BBS5: variants seen among roughly 807,000 people sequenced by gnomAD.
BBS5 encodes BBSome complex member BBS5.
In BBS5, 39 loss-of-function variants were observed where a neutral mutation model predicts 50.2. The observed-to-expected ratio is 0.78, with a 90% CI of 0.60 to 1.01. BBS5 has a LOEUF of 1.01. Ranked by LOEUF, BBS5 falls within the 50% of genes least tolerant of loss-of-function variation. BBS5 has a pLI of 0.00. For synonymous variants in BBS5, 134 were observed against 133.1 expected (o/e 1.01, Z -0.05); for missense variants, 356 against 401.5 (o/e 0.89, Z 0.97).
At chr2:169,499,647 G>A (rs201741047) in intron 9 of BBS5, 27 bp downstream of exon 9, 1 of 1,610,314 alleles carries the variant, frequency 6.2e-7, no homozygotes. Context: ...GTGAAATAAA[G>A]TTTGCATTGC....
chr2:169,494,193 C>T (rs1683653793), intron 7 of BBS5, among the ~76,000 whole-genome samples: 1 of 152,132 alleles, frequency 6.6e-6, no homozygotes, highest in Non-Finnish European at 1.5e-5. Context: ...GTATGTGGTG[C>T]TTCCTTGGCA....
At chr2:169,501,087 A>G (rs1485024876) in intron 9 of BBS5, among the ~76,000 whole-genome samples, 3 of 152,372 alleles carry the variant, frequency 2.0e-5, no homozygotes, top group African/African-American at 4.8e-5. Flanking sequence ...ATGCAAGTCA[A>G]TAAGATACAC....
chr2:169,487,630 T>C (rs575018299), intron 3 of BBS5, 176 bp from the exon 4 acceptor site: 14 of 481,334 alleles, frequency 2.9e-5, no homozygotes, highest in African/African-American at 2.8e-4. Context: ...ATTGACCCTC[T>C]AGTTTTTTTA....
chr2:169,487,143 C>CT lies in BBS5; in HGVS notation c.208+12dup. 8 of 1,596,026 alleles carry CT rather than the reference C, an allele frequency of 5.0e-6. No individual in the cohort carries two copies. The highest frequency in any genetic ancestry group is 6.9e-6 in the Non-Finnish European group (8 of 1,164,230). The stretch of plus-strand genomic sequence containing the variant: ...ATCAAGAGTCAATGTTTGTAAGTAT[C>CT]TTTGTTAGATAAGTCTGAAGAAAAA... On this transcript the variant is annotated intron_variant, in intron 3 of 11. Coordinates refer to ENST00000295240, the MANE Select transcript of BBS5 (RefSeq NM_152384.3).
At chr2:169,502,394 C>G (rs1041804856) in intron 9 of BBS5, among the ~76,000 whole-genome samples, 1 of 152,130 alleles carries the variant, frequency 6.6e-6, no homozygotes, top group Non-Finnish European at 1.5e-5. Flanking sequence ...TAAGGCTATC[C>G]TCAGCTTTGT....
rs964571412 is a variant in BBS5, at chr2:169,497,559, A to C, written c.619-68A>C. The C allele has an allele frequency of 2.3e-5, 22 of 948,244 alleles. No homozygotes were observed. In the Middle Eastern group the frequency reaches 9.0e-4, roughly 39 times the overall value. 58.7% of individuals were successfully genotyped at this position (948,244 alleles called of 1,614,324 possible). On this transcript the variant is annotated intron_variant, in intron 7 of 11. Transcript: ENST00000295240. ...AGTAAATACTGTGTAAAGTTTAAAAACTGAGTTAAAGAGTCACTATTCAGT... is the reference window on the plus strand; with the variant it reads ...AGTAAATACTGTGTAAAGTTTAAAACCTGAGTTAAAGAGTCACTATTCAGT...
chr2:169,486,929 A>G, intron 2 of BBS5, 140 bp from the exon 3 acceptor site: 1 of 717,172 alleles, frequency 1.4e-6, no homozygotes, highest in Non-Finnish European at 2.5e-6. Context: ...TTGGATATGC[A>G]CAATATTTTC....
At chr2:169,487,604 T>C (rs1050844518) in intron 3 of BBS5, among the ~76,000 whole-genome samples, 1 of 152,014 alleles carries the variant, frequency 6.6e-6, no homozygotes, top group Admixed American at 6.5e-5. Context: ...TATTTTTGTT[T>C]GTTCAAGGAG....
Position 169,479,631 on chromosome 2 carries a change from C to T in BBS5, c.59+19C>T, listed in dbSNP as rs1683349406. The stretch of plus-strand genomic sequence containing the variant: ...CCGCGCAGTGAGTTTCCAAGATTCC[C>T]GAGGGATCTTCAACCCTGTAGAGGG... On this transcript the variant is annotated intron_variant, in intron 1 of 11. Coordinates refer to ENST00000295240, the MANE Select transcript of BBS5 (RefSeq NM_152384.3). The T allele has an allele frequency of 6.2e-7, 1 of 1,613,746 alleles. No individual in the cohort carries two copies. The highest frequency in any genetic ancestry group is 1.1e-5 in the South Asian group (1 of 91,076).
chr2:169,484,041 G>A (rs1262198223), intron 2 of BBS5, among the ~76,000 whole-genome samples: 2 of 152,254 alleles, frequency 1.3e-5, no homozygotes, highest in East Asian at 3.9e-4. Context: ...AGTAGGAAGG[G>A]CAGAAAGCTT....
chr2:169,487,984 C>G lies in BBS5; in HGVS notation c.259-3C>G, dbSNP rs564412855. ...GAACTTTTAAATAAATTTGTCCTTA[C>G]AGAAATTACGAGGCCAAACTGAAGC... On this transcript the variant is annotated splice_polypyrimidine_tract_variant and splice_region_variant and intron_variant, in intron 4 of 11. Transcript: ENST00000295240. The G allele has an allele frequency of 1.9e-6, 3 of 1,613,370 alleles. No homozygotes were observed. Among genetic ancestry groups the G allele is most frequent in the East Asian group, 2.2e-5 (1 of 44,804 alleles).
At position 169,487,199 on chromosome 2, in the gene BBS5, C is replaced by G. The variant is rs571020473; in HGVS notation, c.208+65C>G. 7.9e-6 allele frequency: 8 copies of G among 1,006,872 alleles called. No homozygotes were observed. The African/African-American group carries it at 1.3e-4, about 16-fold the overall frequency. 62.4% of individuals were successfully genotyped at this position (1,006,872 alleles called of 1,614,324 possible). Reference sequence around the variant, plus strand: ...CTTTGTCAGGTGAATTTGCATGGTGCCTTTGATACCAAAGAAGTATGTAGA... The same window carrying G: ...CTTTGTCAGGTGAATTTGCATGGTGGCTTTGATACCAAAGAAGTATGTAGA... On this transcript the variant is annotated intron_variant, in intron 3 of 11. Transcript: ENST00000295240.
At chr2:169,494,863 A>C (rs1291608387) in intron 7 of BBS5, among the ~76,000 whole-genome samples, 1 of 152,220 alleles carries the variant, frequency 6.6e-6, no homozygotes, top group Non-Finnish European at 1.5e-5. Context: ...ATTAATATTT[A>C]TTGAGTAGAC....
intron 9 of BBS5, among the ~76,000 whole-genome samples, chr2:169,500,136 C>A (rs1683771864): frequency 6.6e-6 from 1 of 152,212 alleles, no homozygotes; most frequent in African/African-American, 2.4e-5. Flanking sequence ...TTGTCTTCTT[C>A]ATGATTTCTT....
At position 169,504,561 on chromosome 2, in the gene BBS5, A is replaced by C; in HGVS notation, c.1005A>C (p.Gly335=). The part of the protein sequence containing the change: ...EKLKDGFTLQ[G]LWEVMS ...TGAAGGATGGATTCACCCTACAGGGACTTTGGGAAGTAATGAGTTGATTGA... is the reference window on the plus strand; with the variant it reads ...TGAAGGATGGATTCACCCTACAGGGCCTTTGGGAAGTAATGAGTTGATTGA... Residue 335 remains glycine, a synonymous_variant, in exon 12 of 12, where the codon GGA becomes GGC. Coordinates refer to ENST00000295240, the MANE Select transcript of BBS5 (RefSeq NM_152384.3). The C allele has an allele frequency of 6.2e-7, 1 of 1,613,146 alleles. No individual in the cohort carries two copies. The highest frequency in any genetic ancestry group is 8.5e-7 in the Non-Finnish European group (1 of 1,179,106).
intron 9 of BBS5, 26 bp from the exon 10 acceptor site, chr2:169,503,069 G>A: frequency 1.3e-6 from 2 of 1,549,142 alleles, no homozygotes; most frequent in Non-Finnish European, 1.8e-6. Context: ...TGTCTCTGAT[G>A]CATTTTAACA....
chr2:169,483,970 TA>T (rs1376194027), intron 2 of BBS5, among the ~76,000 whole-genome samples: 1 of 152,190 alleles, frequency 6.6e-6, no homozygotes, highest in Non-Finnish European at 1.5e-5. Flanking sequence ...GAACTCTTCA[TA>T]AAACATTTTT....
intron 5 of BBS5, among the ~76,000 whole-genome samples, chr2:169,490,593 A>G (rs1683579327): frequency 2.0e-5 from 3 of 152,018 alleles, no homozygotes; most frequent in Admixed American, 2.0e-4. Context: ...AGTTTATTTG[A>G]TTTTTAATTT....
chr2:169,479,743 C>A lies in BBS5; in HGVS notation c.59+131C>A, dbSNP rs180738284. 86 of 1,035,930 alleles carry A rather than the reference C, an allele frequency of 8.3e-5. No homozygotes were observed. In the East Asian group the frequency reaches 2.0e-3, roughly 24 times the overall value. The allele number at this position is 1,035,930 out of a possible 1,614,324, so 64.2% of individuals were successfully genotyped here. A position where few individuals can be genotyped will look rare whatever the true frequency, so the allele number is the denominator to read the frequency against. On this transcript the variant is annotated intron_variant, in intron 1 of 11. Transcript: ENST00000295240. The stretch of plus-strand genomic sequence containing the variant: ...GTGAGGGTGGGAGGCTTGCGCCGGT[C>A]GTCCGCGCCTCGAGAGACCTCAGGC...
Sources: allele counts gnomAD v4.1 joint callset (sites outside exome capture counted in the v4.1 genomes callset), GRCh38; gene constraint gnomAD v4.1.1; transcripts MANE v1.5; gene names NCBI Gene and HGNC (gene_info 2026-07-23, HGNC 2026-07-21).